RBFOX1: variants seen among roughly 807,000 people sequenced by gnomAD.
RBFOX1 encodes the protein RNA binding fox-1 homolog 1, also known as RNA binding protein fox-1 homolog 1.
RBFOX1 carries 8 observed loss-of-function variants against 57.7 expected under a neutral mutation model. That is an observed-to-expected ratio of 0.14 (90% CI 0.08 to 0.25). The LOEUF (loss-of-function observed/expected upper bound fraction) is 0.25, where lower values mean the gene tolerates loss of function less well. RBFOX1 is among the 10% of genes least tolerant of loss of function. The probability of loss-of-function intolerance (pLI) is 1.00; values close to 1 mark genes in which losing one functional copy is unlikely to be tolerated. For missense variants in RBFOX1, 611 were observed against 548.5 expected, an observed-to-expected ratio of 1.11 and a Z score of -1.14; for synonymous variants, 326 against 222.4, an observed-to-expected ratio of 1.47 and a Z score of -4.15.
intron 3 of RBFOX1, among the ~76,000 whole-genome samples, chr16:6,833,650 C>T (rs1176337901): frequency 2.6e-5 from 4 of 152,180 alleles, no homozygotes. Context: ...TTCCTCATGT[C>T]TTCCCATTGG....
chr16:7,287,193 GGTCTTGATAAT>G (rs1323714277), intron 4 of RBFOX1, among the ~76,000 whole-genome samples: 2 of 152,182 alleles, frequency 1.3e-5, no homozygotes, highest in African/African-American at 4.8e-5. Context: ...GGAAAGTGCA[GGTCTTGATAAT>G]GTCTTGATCT....
chr16:5,580,335 G>A (rs1369173599), intron 2 of RBFOX1, among the ~76,000 whole-genome samples: 1 of 152,208 alleles, frequency 6.6e-6, no homozygotes, highest in Non-Finnish European at 1.5e-5. Context: ...ATTGGTAATT[G>A]AGCTTGTGGG....
intron 2 of RBFOX1, among the ~76,000 whole-genome samples, chr16:5,501,942 C>T (rs752143052): frequency 6.6e-5 from 10 of 151,836 alleles, no homozygotes; most frequent in Non-Finnish European, 8.8e-5. Context: ...AAGCTGGTCT[C>T]GAACTCCTGG....
At chr16:6,565,869 C>T (rs996040416) in intron 2 of RBFOX1, among the ~76,000 whole-genome samples, 1 of 152,212 alleles carries the variant, frequency 6.6e-6, no homozygotes, top group Non-Finnish European at 1.5e-5. Context: ...ACAGGCTATG[C>T]TGTAGTAACA....
At chr16:6,550,911 T>C (rs1234776240) in intron 2 of RBFOX1, among the ~76,000 whole-genome samples, 1 of 152,220 alleles carries the variant, frequency 6.6e-6, no homozygotes, top group Non-Finnish European at 1.5e-5. Flanking sequence ...GTGTGAATAC[T>C]CGGGCAACTC....
intron 4 of RBFOX1, among the ~76,000 whole-genome samples, chr16:5,988,039 T>C (rs2060316202): frequency 6.6e-6 from 1 of 152,168 alleles, no homozygotes; most frequent in Admixed American, 6.5e-5. Context: ...TCACCAGCTC[T>C]AGTTTGATTT....
chr16:6,632,676 G>A (rs77905421), intron 2 of RBFOX1, among the ~76,000 whole-genome samples: 81 of 152,290 alleles, frequency 5.3e-4, no homozygotes, highest in African/African-American at 1.7e-3. Flanking sequence ...GATATCCGGC[G>A]AAGGCCTTCT....
Position 7,114,249 on chromosome 16 carries a change from C to T in RBFOX1, c.27+62151C>T, listed in dbSNP as rs2065404416. On this transcript the variant is annotated intron_variant, in intron 4 of 15. Coordinates refer to ENST00000550418, the MANE Select transcript of RBFOX1 (RefSeq NM_018723.4). ...ATAATTAGGAAAGTGATTGTGTGTG[C>T]ACATGAGTGTACTTGTGTACACATT... 1.3e-5 allele frequency among the ~76,000 whole-genome samples: 2 copies of T among 149,878 alleles called. 1 individual carries two copies. Among genetic ancestry groups the T allele is most frequent in the South Asian group, 4.2e-4 (2 of 4,788 alleles).
intron 1 of RBFOX1, among the ~76,000 whole-genome samples, chr16:6,309,218 A>T (rs977838479): frequency 1.3e-5 from 2 of 152,056 alleles, no homozygotes. Flanking sequence ...GTCTAGCTAA[A>T]GTTTGGAGCC....
At chr16:7,707,876 G>C (rs140650186) in intron 14 of RBFOX1, among the ~76,000 whole-genome samples, 10 of 151,984 alleles carry the variant, frequency 6.6e-5, no homozygotes, top group Non-Finnish European at 1.2e-4. Context: ...CACCCCATTC[G>C]GTAAGTCACT....
chr16:6,872,603 A>G (rs753212965), intron 3 of RBFOX1, among the ~76,000 whole-genome samples: 7 of 152,136 alleles, frequency 4.6e-5, no homozygotes, highest in African/African-American at 9.7e-5. Flanking sequence ...AAAACACCCA[A>G]TTAATGTGCA....
chr16:6,279,240 G>T (rs910662052), intron 1 of RBFOX1, among the ~76,000 whole-genome samples: 2 of 152,074 alleles, frequency 1.3e-5, no homozygotes, highest in African/African-American at 4.8e-5. Context: ...GATTAGTCTG[G>T]TTATCAATTT....
At chr16:7,325,339 G>A (rs1790622262) in intron 4 of RBFOX1, among the ~76,000 whole-genome samples, 1 of 152,234 alleles carries the variant, frequency 6.6e-6, no homozygotes, top group Non-Finnish European at 1.5e-5. Context: ...ACACACAGCT[G>A]ATAACTGGTA....
chr16:7,613,163 C>G (rs1267686358), intron 10 of RBFOX1, among the ~76,000 whole-genome samples: 2 of 152,040 alleles, frequency 1.3e-5, no homozygotes, highest in African/African-American at 4.8e-5. Context: ...AAAACAAAAA[C>G]CACCCCTAGG....
chr16:5,944,779 C>T (rs1188699864), intron 4 of RBFOX1, among the ~76,000 whole-genome samples: 1 of 35,796 alleles, frequency 2.8e-5, no homozygotes, highest in Non-Finnish European at 6.2e-5. Context: ...TTGGTGAAAC[C>T]CTGTCTCTGC....
chr16:7,579,981 T>C (rs2093627693), intron 6 of RBFOX1, 61 bp downstream of exon 6: 1 of 1,561,826 alleles, frequency 6.4e-7, no homozygotes, highest in African/African-American at 1.4e-5. Flanking sequence ...CCTCCCTGTC[T>C]CATGTAAGTT....
At chr16:6,676,611 A>T (rs12929525) in intron 3 of RBFOX1, among the ~76,000 whole-genome samples, 148,189 of 151,212 alleles carry the variant, frequency 0.98, 72,678 homozygotes, top group East Asian at 1. Flanking sequence ...AAAGGATACC[A>T]GGAGCCTTTA....
In RBFOX1 at chr16:7,681,384, A is replaced by G. The variant is rs750030554; in HGVS notation, c.995+4546A>G. Among the ~76,000 whole-genome samples the G allele has an allele frequency of 2.0e-5, 3 of 152,176 alleles. No individual in the cohort carries two copies. In the East Asian group the frequency reaches 5.8e-4, roughly 29 times the overall value. On this transcript the variant is annotated intron_variant, in intron 14 of 15. Coordinates refer to ENST00000550418, the MANE Select transcript of RBFOX1 (RefSeq NM_018723.4). ...ATAGGACTAAATCCTTATGCACAAAAGATTGTACAAGCTGAACTAAAAAAG... is the reference window on the plus strand; with the variant it reads ...ATAGGACTAAATCCTTATGCACAAAGGATTGTACAAGCTGAACTAAAAAAG...
chr16:5,564,875 G>T (rs1368526391), intron 2 of RBFOX1, among the ~76,000 whole-genome samples: 1 of 152,158 alleles, frequency 6.6e-6, no homozygotes, highest in East Asian at 1.9e-4. Context: ...GGATGAGGAG[G>T]TGGAGACAGC....
Sources: gnomAD v4.1 joint callset for allele counts (sites outside exome capture counted in the v4.1 genomes callset) on GRCh38, gnomAD v4.1.1 for gene constraint, MANE v1.5 for transcripts, NCBI Gene and HGNC (gene_info 2026-07-23, HGNC 2026-07-21) for gene names.